PDE6D: variants seen among roughly 807,000 people sequenced by gnomAD.
The protein encoded by PDE6D is phosphodiesterase 6D, also known as retinal rod rhodopsin-sensitive cGMP 3',5'-cyclic phosphodiesterase subunit delta.
Under a neutral mutation model 21.9 loss-of-function variants are expected in PDE6D, and 10 were observed. That is an observed-to-expected ratio of 0.46 (90% CI 0.28 to 0.78). PDE6D has a LOEUF of 0.78. Among genes scored for constraint, PDE6D ranks in the 30% least tolerant of loss-of-function variants. PDE6D has a pLI of 0.12. For missense variants in PDE6D, 139 were observed against 184.8 expected (o/e 0.75, Z 1.44); for synonymous variants, 59 against 63.5 (o/e 0.93, Z 0.34).
intron 1 of PDE6D, among the ~76,000 whole-genome samples, chr2:231,758,139 C>G (rs1183281756): frequency 6.6e-6 from 1 of 151,918 alleles, no homozygotes; most frequent in Non-Finnish European, 1.5e-5. Context: ...ACCTACCTGT[C>G]TGTCTGTCTG....
chr2:231,750,634 C>T (rs2106270533), intron 1 of PDE6D, among the ~76,000 whole-genome samples: 1 of 146,560 alleles, frequency 6.8e-6, no homozygotes, highest in East Asian at 2.0e-4. Context: ...GCAGGGATTA[C>T]AGGTGTGTGC....
rs974467969 is a variant in PDE6D at position 231,777,499 on chromosome 2, A to G, written c.50+3566T>C. On this transcript the variant is annotated intron_variant, in intron 1 of 4. Coordinates refer to ENST00000287600, the MANE Select transcript of PDE6D (RefSeq NM_002601.4). ...CCTCATGTTTCTATCTACTATGGGC[A>G]TATGGGCAAGCTTCCATGTGAACAA... Among the ~76,000 whole-genome samples the G allele has an allele frequency of 2.6e-5, 4 of 152,140 alleles. No homozygotes were observed. The East Asian group carries it at 7.7e-4, about 29-fold the overall frequency.
chr2:231,780,956 C>T (rs2049115120), intron 1 of PDE6D, 109 bp downstream of exon 1: 8 of 984,762 alleles, frequency 8.1e-6, no homozygotes, highest in Non-Finnish European at 1.3e-5. Context: ...CCTCCCGCGG[C>T]CCTTCTTCTG....
intron 1 of PDE6D, among the ~76,000 whole-genome samples, chr2:231,763,864 C>A (rs1307124683): frequency 6.6e-6 from 1 of 151,596 alleles, no homozygotes; most frequent in Non-Finnish European, 1.5e-5. Flanking sequence ...GTCTTGAATT[C>A]CTGGGCTCAA....
intron 1 of PDE6D, among the ~76,000 whole-genome samples, chr2:231,755,272 TA>T (rs1470131703): frequency 2.0e-5 from 3 of 152,200 alleles, no homozygotes; most frequent in Non-Finnish European, 4.4e-5. Context: ...ATCTCTACTA[TA>T]AATTTTTAAA....
chr2:231,749,055 C>T (rs773596942), intron 1 of PDE6D, among the ~76,000 whole-genome samples: 8 of 152,158 alleles, frequency 5.3e-5, no homozygotes, highest in Non-Finnish European at 8.8e-5. Flanking sequence ...TGGGGCACTG[C>T]CTAGTGGAGC....
intron 1 of PDE6D, among the ~76,000 whole-genome samples, chr2:231,740,668 G>T: frequency 7.3e-6 from 1 of 136,812 alleles, no homozygotes; most frequent in Non-Finnish European, 1.5e-5. Flanking sequence ...GCGACAGAGG[G>T]AGACCCTGTC....
chr2:231,745,475 G>T (rs1029274435), intron 1 of PDE6D, among the ~76,000 whole-genome samples: 2 of 152,160 alleles, frequency 1.3e-5, no homozygotes, highest in Non-Finnish European at 2.9e-5. Flanking sequence ...TACCCTCTGG[G>T]TCAGCCAGGT....
At position 231,737,260 on chromosome 2, in the gene PDE6D, T is replaced by C; in HGVS notation, c.298A>G (p.Asn100Asp). Residue 100 changes from asparagine (N) to aspartate (D), a missense_variant, in exon 4 of 5, where the codon AAC becomes GAC. By Grantham distance (23) the Asn-to-Asp change is conservative. Transcript: ENST00000287600. ...AAGGACTGCCAGGTATTTGTGGAGT[T>C]AGGGATCACAAAGCCAAACTCGAAG... ...WFFEFGFVIPNSTNTWQSLIE... is the reference protein window; with the variant it reads ...WFFEFGFVIPDSTNTWQSLIE... 9 of 1,612,424 alleles carry C rather than the reference T, an allele frequency of 5.6e-6. No individual in the cohort carries two copies. The highest frequency in any genetic ancestry group is 6.8e-6 in the Non-Finnish European group (8 of 1,178,500).
intron 1 of PDE6D, among the ~76,000 whole-genome samples, chr2:231,761,179 CTTT>C (rs962697536): frequency 6.8e-6 from 1 of 147,616 alleles, no homozygotes; most frequent in African/African-American, 2.5e-5. Context: ...ATCAATAATT[CTTT>C]TTTTTTTTTT....
intron 1 of PDE6D, among the ~76,000 whole-genome samples, chr2:231,749,892 G>A (rs1277230344): frequency 6.6e-6 from 1 of 152,052 alleles, no homozygotes; most frequent in East Asian, 1.9e-4. Context: ...TTAAGACTTT[G>A]GGGGATTGTT....
intron 1 of PDE6D, among the ~76,000 whole-genome samples, chr2:231,767,460 C>T (rs777070158): frequency 3.3e-5 from 5 of 151,910 alleles, no homozygotes; most frequent in Non-Finnish European, 4.4e-5. Context: ...GGACTACAGG[C>T]GCCCGCCACC....
At chr2:231,771,263 TCAGCCAAGCTGAGAAAAA>T in intron 1 of PDE6D, among the ~76,000 whole-genome samples, 1 of 151,966 alleles carries the variant, frequency 6.6e-6, no homozygotes, top group Non-Finnish European at 1.5e-5. Flanking sequence ...GCCACCTTGC[TCAGCCAAGCTGAGAAAAA>T]TTTAAAACTC....
Position 231,737,234 on chromosome 2 carries a change from C to T in PDE6D, c.324G>A (p.Leu108=). The change falls in exon 4 of 5, where the codon TTG becomes TTA. Residue 108 remains leucine, a synonymous_variant. Transcript: ENST00000287600. The part of the protein sequence containing the change: ...IPNSTNTWQS[L]IEAAPESQMM... ...TCTGGGACTCGGGTGCTGCCTCTAT[C>T]AAGGACTGCCAGGTATTTGTGGAGT... 4 of 1,613,308 alleles carry T rather than the reference C, an allele frequency of 2.5e-6. No individual in the cohort carries two copies. The highest frequency in any genetic ancestry group is 3.4e-6 in the Non-Finnish European group (4 of 1,179,280).
intron 1 of PDE6D, among the ~76,000 whole-genome samples, chr2:231,773,976 C>T (rs905007839): frequency 6.6e-6 from 1 of 152,028 alleles, no homozygotes; most frequent in African/African-American, 2.4e-5. Context: ...CTCTGTTACC[C>T]AGGCTGGAGT....
chr2:231,738,641 C>T (rs1421762083), intron 2 of PDE6D, among the ~76,000 whole-genome samples: 4 of 152,064 alleles, frequency 2.6e-5, no homozygotes, highest in Admixed American at 6.6e-5. Flanking sequence ...ACTGGCTGGG[C>T]GTGGTGGCTC....
At chr2:231,735,177 G>A (rs1409179093) in intron 4 of PDE6D, among the ~76,000 whole-genome samples, 1 of 146,580 alleles carries the variant, frequency 6.8e-6, no homozygotes, top group Non-Finnish European at 1.5e-5. Context: ...GGGAGGTGGA[G>A]CTTGCAGTGA....
At chr2:231,761,244 G>A (rs937951953) in intron 1 of PDE6D, among the ~76,000 whole-genome samples, 4 of 151,678 alleles carry the variant, frequency 2.6e-5, no homozygotes, top group African/African-American at 9.7e-5. Context: ...GCGCAATCTC[G>A]GCTCACTGCA....
chr2:231,732,891 T>A lies in PDE6D; in HGVS notation c.*61A>T. 8 of 1,101,148 alleles carry A rather than the reference T, an allele frequency of 7.3e-6. No homozygotes were observed. Among genetic ancestry groups the A allele is most frequent in the Non-Finnish European group, 1.1e-5 (8 of 722,056 alleles). 68.2% of individuals were successfully genotyped at this position (1,101,148 alleles called of 1,614,324 possible). A position where few individuals can be genotyped will look rare whatever the true frequency, so the allele number is the denominator to read the frequency against. The stretch of plus-strand genomic sequence containing the variant: ...AAATCAAACGTGTGGAGGAAAAAAG[T>A]AAACAGTTTCCTCCTCCCTCCAAAA... On this transcript the variant is annotated 3_prime_UTR_variant, in exon 5 of 5. Coordinates refer to ENST00000287600, the MANE Select transcript of PDE6D (RefSeq NM_002601.4).
Sources: allele counts gnomAD v4.1 joint callset (sites outside exome capture counted in the v4.1 genomes callset), GRCh38; gene constraint gnomAD v4.1.1; transcripts MANE v1.5; gene names NCBI Gene and HGNC (gene_info 2026-07-23, HGNC 2026-07-21).